Variants in STAT3 observed in about 807,000 individuals in gnomAD.
The protein encoded by STAT3 is signal transducer and activator of transcription 3, also known as DNA-binding protein APRF.
In STAT3, 7 loss-of-function variants were observed where a neutral mutation model predicts 114.3. The observed-to-expected ratio is 0.06, with a 90% CI of 0.03 to 0.11. The LOEUF is 0.11. Among genes scored for constraint, STAT3 ranks in the 10% least tolerant of loss-of-function variants. The probability of loss-of-function intolerance (pLI) is 1.00; values close to 1 mark genes in which losing one functional copy is unlikely to be tolerated. For missense variants in STAT3, 364 were observed against 960.9 expected (o/e 0.38, Z 8.21); for synonymous variants, 331 against 354.5 (o/e 0.93, Z 0.74).
Position 42,356,018 on chromosome 17 carries a change from C to G in STAT3, c.-23-7479G>C, listed in dbSNP as rs1398204578. ...CATTTTCCTTTGGGTACCACCTATA[C>G]TTTTATTATAAATACATGCATTTTA... On this transcript the variant is annotated intron_variant, in intron 1 of 23. Coordinates refer to ENST00000264657, the MANE Select transcript of STAT3 (RefSeq NM_139276.3). Among the ~76,000 whole-genome samples, 16 of 152,106 alleles carry G rather than the reference C, an allele frequency of 1.1e-4. 1 individual carries two copies. The highest frequency in any genetic ancestry group is 1.0e-3 in the Admixed American group (16 of 15,244).
At chr17:42,372,832 G>A (rs191850160) in intron 1 of STAT3, among the ~76,000 whole-genome samples, 168 of 152,012 alleles carry the variant, frequency 1.1e-3, no homozygotes, top group African/African-American at 3.9e-3. Context: ...GGACAACACA[G>A]TGAGACCCTA....
chr17:42,316,438 C>T (rs1294631610), intron 23 of STAT3: 3 of 401,118 alleles, frequency 7.5e-6, no homozygotes, highest in Admixed American at 3.2e-5. Flanking sequence ...AGACTGGTCT[C>T]GAACTCCTGA....
At chr17:42,339,163 G>A in intron 5 of STAT3, 151 bp downstream of exon 5, 1 of 741,354 alleles carries the variant, frequency 1.3e-6, no homozygotes, top group Non-Finnish European at 2.2e-6. Flanking sequence ...GGATGAGGTA[G>A]GAGGATCGCT....
intron 1 of STAT3, among the ~76,000 whole-genome samples, chr17:42,352,268 G>A (rs1163578359): frequency 6.6e-6 from 1 of 152,004 alleles, no homozygotes; most frequent in Non-Finnish European, 1.5e-5. Flanking sequence ...GAACCCGGGA[G>A]GTGGAGGTTG....
rs202205325 is a variant in STAT3 at position 42,323,566 on chromosome 17, T to C, written c.1653+7A>G. On this transcript the variant is annotated splice_region_variant and intron_variant, in intron 18 of 23. Transcript: ENST00000264657. The stretch of plus-strand genomic sequence containing the variant: ...CATTCCCACGAGAATTTAACAAGAT[T>C]GCTTACTTTGCAAAATTTAGCCCAT... 33 of 1,614,036 alleles carry C rather than the reference T, an allele frequency of 2.0e-5. No individual in the cohort carries two copies. The highest frequency in any genetic ancestry group is 2.8e-5 in the Non-Finnish European group (33 of 1,179,916).
rs1259638419 is a variant in STAT3, at chr17:42,336,970, CTTTAT to C, written c.797+460_797+464del. On this transcript the variant is annotated intron_variant, in intron 8 of 23. Coordinates refer to ENST00000264657, the MANE Select transcript of STAT3 (RefSeq NM_139276.3). The stretch of plus-strand genomic sequence containing the variant: ...AAAGTTTCTCCAAATAAAGTAAAAA[CTTTAT>C]TTTATTTTTATTTTTTTGAGATGGA... Among the ~76,000 whole-genome samples, 4 of 151,484 alleles carry C rather than the reference CTTTAT, an allele frequency of 2.6e-5. No homozygotes were observed. The East Asian group carries it at 5.8e-4, about 22-fold the overall frequency.
Position 42,323,343 on chromosome 17 carries a change from A to C in STAT3, c.1665T>G (p.Ala555=). Residue 555 remains alanine (A), a synonymous_variant, in exon 19 of 24, where the codon GCT becomes GCG. Coordinates refer to ENST00000264657, the MANE Select transcript of STAT3 (RefSeq NM_139276.3). ...AGACCCAGAAGGAGAAGCCCTTGCC[A>C]GCCATGTTTTCCTGGAGAAAAGAGT... ...TWAKFCKENM[A]GKGFSFWVWL... is the part of the protein sequence containing the mutation. 1.2e-6 allele frequency: 2 copies of C among 1,614,218 alleles called. No homozygotes were observed. The highest frequency in any genetic ancestry group is 2.7e-5 in the African/African-American group (2 of 75,048).
At position 42,359,566 on chromosome 17, in the gene STAT3, A is replaced by G. The variant is rs1046752775; in HGVS notation, c.-23-11027T>C. ...GTGATATTCAAAACAAAAGAAAAAG[A>G]TGAAAAATAAGAACCTTGGTTAAAG... On this transcript the variant is annotated intron_variant, in intron 1 of 23. Transcript: ENST00000264657. 2.6e-5 allele frequency among the ~76,000 whole-genome samples: 4 copies of G among 152,244 alleles called. No homozygotes were observed. The East Asian group carries it at 5.8e-4, about 22-fold the overall frequency.
intron 14 of STAT3, among the ~76,000 whole-genome samples, chr17:42,328,336 A>G (rs1289846855): frequency 6.6e-6 from 1 of 152,210 alleles, no homozygotes; most frequent in Non-Finnish European, 1.5e-5. Flanking sequence ...ATTTTCCCAT[A>G]TCATTGCATA....
intron 1 of STAT3, among the ~76,000 whole-genome samples, chr17:42,362,705 T>C (rs76264592): frequency 0.061 from 9,263 of 152,244 alleles, 344 homozygotes; most frequent in Non-Finnish European, 0.074. Flanking sequence ...GCTGTACAAA[T>C]TCATCGAGCT....
chr17:42,351,129 C>CAAAA (rs139529559), intron 1 of STAT3, among the ~76,000 whole-genome samples: 57 of 77,132 alleles, frequency 7.4e-4, no homozygotes, highest in African/African-American at 1.2e-3. Flanking sequence ...GACTCCATCT[C>CAAAA]AAAAAAAAAA....
At chr17:42,350,585 C>G (rs2082900133) in intron 1 of STAT3, among the ~76,000 whole-genome samples, 1 of 152,146 alleles carries the variant, frequency 6.6e-6, no homozygotes, top group East Asian at 1.9e-4. Flanking sequence ...CCACGCCTGG[C>G]CTGGGATCAG....
intron 1 of STAT3, among the ~76,000 whole-genome samples, chr17:42,373,656 G>A (rs899525983): frequency 4.6e-5 from 7 of 151,974 alleles, no homozygotes; most frequent in East Asian, 3.9e-4. Flanking sequence ...TTGGGAGGCC[G>A]AGGCGGGTGG....
At chr17:42,354,295 G>A (rs1453516924) in intron 1 of STAT3, among the ~76,000 whole-genome samples, 1 of 146,314 alleles carries the variant, frequency 6.8e-6, no homozygotes, top group African/African-American at 2.5e-5. Flanking sequence ...TCAGCCTCCC[G>A]AGTAGCTGGG....
chr17:42,355,834 T>G (rs1340506364), intron 1 of STAT3, among the ~76,000 whole-genome samples: 1 of 152,194 alleles, frequency 6.6e-6, no homozygotes, highest in Non-Finnish European at 1.5e-5. Context: ...TTCATAAAAC[T>G]TTTTAAAGTT....
Position 42,323,152 on chromosome 17 carries a change from AAGG to A in STAT3, c.1749-12_1749-10del, listed in dbSNP as rs1290016733. 1.9e-6 allele frequency: 3 copies of A among 1,614,218 alleles called. No homozygotes were observed. Among genetic ancestry groups the A allele is most frequent in the Non-Finnish European group, 2.5e-6 (3 of 1,180,028 alleles). Reference sequence around the variant, plus strand: ...TAAAGCCCATGATGTACCTGGAGCCAAGGAGGAGGAACAATGTTGTTATTGCTA... The same window carrying A: ...TAAAGCCCATGATGTACCTGGAGCCAAGGAGGAACAATGTTGTTATTGCTA... On this transcript the variant is annotated splice_polypyrimidine_tract_variant and intron_variant, in intron 19 of 23. Transcript: ENST00000264657.
At position 42,321,182 on chromosome 17, in the gene STAT3, C is replaced by A. The variant is rs543455112; in HGVS notation, c.2101+1100G>T. Among the ~76,000 whole-genome samples the A allele has an allele frequency of 2.1e-4, 30 of 139,828 alleles. No individual in the cohort carries two copies. The South Asian group carries it at 4.3e-3, about 20-fold the overall frequency. 91.7% of individuals were successfully genotyped at this position (139,828 alleles called of 152,430 possible). ...TCACCCAGGCTGGAGTGCAGTGGTG[C>A]GATCATGGCTCACTGCAGCCTCAAC... On this transcript the variant is annotated intron_variant, in intron 21 of 23. Transcript: ENST00000264657.
At chr17:42,335,754 C>T (rs1261010272) in intron 8 of STAT3, among the ~76,000 whole-genome samples, 1 of 152,074 alleles carries the variant, frequency 6.6e-6, no homozygotes, top group African/African-American at 2.4e-5. Flanking sequence ...ATCCCAGCTA[C>T]TTGGAAGGTT....
intron 14 of STAT3, among the ~76,000 whole-genome samples, chr17:42,326,884 C>T (rs1437216826): frequency 6.6e-6 from 1 of 152,120 alleles, no homozygotes; most frequent in Non-Finnish European, 1.5e-5. Flanking sequence ...GCATTCAGTA[C>T]TAACAGCCAC....
Sources: allele counts gnomAD v4.1 joint callset (sites outside exome capture counted in the v4.1 genomes callset), GRCh38; gene constraint gnomAD v4.1.1; transcripts MANE v1.5; gene names NCBI Gene and HGNC (gene_info 2026-07-23, HGNC 2026-07-21).